The following BBX variants were observed in gnomAD, a reference collection of about 807,000 sequenced individuals.
BBX encodes BBX high mobility group box domain containing.
In BBX, 30 loss-of-function variants were observed where a neutral mutation model predicts 100.2. That is an observed-to-expected ratio of 0.30 (90% CI 0.22 to 0.41). The LOEUF is 0.41. Ranked by LOEUF, BBX falls within the 10% of genes least tolerant of loss-of-function variation. The pLI is 1.00. For synonymous variants in BBX, 376 were observed against 388.1 expected (o/e 0.97, Z 0.37); for missense variants, 1,023 against 1,129.8 (o/e 0.91, Z 1.35).
At chr3:107,701,799 T>A (rs1473172468) in intron 3 of BBX, among the ~76,000 whole-genome samples, 1 of 140,706 alleles carries the variant, frequency 7.1e-6, no homozygotes, top group Non-Finnish European at 1.5e-5. Context: ...TATCTCTGCC[T>A]CAGGTTTCTC....
At chr3:107,528,306 T>C (rs2047919656) in intron 2 of BBX, among the ~76,000 whole-genome samples, 1 of 152,194 alleles carries the variant, frequency 6.6e-6, no homozygotes, top group Non-Finnish European at 1.5e-5. Flanking sequence ...CATGTCTCTG[T>C]TAGGTTCTGA....
At chr3:107,559,272 G>T (rs1343030011) in intron 2 of BBX, among the ~76,000 whole-genome samples, 1 of 152,176 alleles carries the variant, frequency 6.6e-6, no homozygotes, top group Non-Finnish European at 1.5e-5. Flanking sequence ...AAAGAAACTG[G>T]ATCAGATAAG....
intron 2 of BBX, among the ~76,000 whole-genome samples, chr3:107,583,271 T>G (rs2052419268): frequency 6.6e-6 from 1 of 152,020 alleles, no homozygotes; most frequent in Non-Finnish European, 1.5e-5. Flanking sequence ...ATTAAACTCT[T>G]TAACTTTCAA....
chr3:107,562,212 A>G (rs1192701777), intron 2 of BBX, among the ~76,000 whole-genome samples: 3 of 152,192 alleles, frequency 2.0e-5, no homozygotes, highest in Non-Finnish European at 2.9e-5. Flanking sequence ...ATAAACACAC[A>G]TGGGATCCCT....
At chr3:107,798,818 A>G (rs2070045757) in intron 16 of BBX, 98 bp downstream of exon 16, 1 of 1,181,884 alleles carries the variant, frequency 8.5e-7, no homozygotes, top group South Asian at 1.5e-5. Flanking sequence ...GAAATACACT[A>G]ACAATAGCCA....
intron 2 of BBX, among the ~76,000 whole-genome samples, chr3:107,589,222 G>T (rs1389668118): frequency 6.6e-6 from 1 of 152,168 alleles, no homozygotes; most frequent in Non-Finnish European, 1.5e-5. Context: ...TAGTGAGTAA[G>T]TATCTTTTGA....
At chr3:107,607,331 T>C (rs2054525287) in intron 2 of BBX, among the ~76,000 whole-genome samples, 2 of 152,210 alleles carry the variant, frequency 1.3e-5, no homozygotes, top group Admixed American at 1.3e-4. Context: ...TCCACCCGCC[T>C]CGGCCTCCCA....
rs1211528164 is a variant in BBX, at chr3:107,793,387, TTTAG to T, written c.2353+2090_2353+2093del. The stretch of plus-strand genomic sequence containing the variant: ...TGCACTGAAAAATGCATGTCCATTG[TTTAG>T]TGTAGAGTACAAACTCATTTTATGT... On this transcript the variant is annotated intron_variant, in intron 15 of 17. Coordinates refer to ENST00000325805, the MANE Select transcript of BBX (RefSeq NM_001142568.3). Among the ~76,000 whole-genome samples the T allele has an allele frequency of 3.9e-5, 6 of 152,286 alleles. No homozygotes were observed. In the South Asian group the frequency reaches 1.0e-3, roughly 26 times the overall value.
intron 2 of BBX, among the ~76,000 whole-genome samples, chr3:107,638,165 C>A (rs1034726347): frequency 1.3e-5 from 2 of 151,722 alleles, no homozygotes; most frequent in Admixed American, 6.6e-5. Context: ...AATCCTTCCA[C>A]CTCAGCCTCC....
chr3:107,703,418 C>T (rs1034574145), intron 3 of BBX, among the ~76,000 whole-genome samples: 2 of 152,096 alleles, frequency 1.3e-5, no homozygotes, highest in African/African-American at 4.8e-5. Context: ...AACAGCATTC[C>T]ATTTGAGAAC....
intron 3 of BBX, among the ~76,000 whole-genome samples, chr3:107,698,311 A>G (rs1235471525): frequency 6.6e-6 from 1 of 151,422 alleles, no homozygotes; most frequent in Middle Eastern, 3.2e-3. Flanking sequence ...ATGAAATTTA[A>G]TATATATATA....
intron 2 of BBX, among the ~76,000 whole-genome samples, chr3:107,626,096 C>A (rs935879010): frequency 1.1e-4 from 17 of 152,226 alleles, no homozygotes; most frequent in African/African-American, 4.1e-4. Context: ...CCAAATTATA[C>A]AATCGATAAT....
intron 13 of BBX, 25 bp from the exon 14 acceptor site, chr3:107,789,762 A>G (rs2068799461): frequency 7.3e-7 from 1 of 1,361,664 alleles, no homozygotes; most frequent in East Asian, 2.5e-5. Context: ...AATTTAAAAT[A>G]TATTTATATT....
intron 3 of BBX, among the ~76,000 whole-genome samples, chr3:107,674,068 A>G (rs1485249406): frequency 1.3e-5 from 2 of 152,216 alleles, no homozygotes; most frequent in African/African-American, 4.8e-5. Flanking sequence ...GACGCAAACC[A>G]TTAATAACAC....
chr3:107,608,755 G>C (rs1446977205), intron 2 of BBX, among the ~76,000 whole-genome samples: 1 of 152,110 alleles, frequency 6.6e-6, no homozygotes, highest in African/African-American at 2.4e-5. Context: ...ATGTTAAATA[G>C]TTTTCATTGT....
intron 2 of BBX, among the ~76,000 whole-genome samples, chr3:107,578,405 G>C (rs1417478672): frequency 7.2e-6 from 1 of 139,360 alleles, no homozygotes; most frequent in African/African-American, 2.5e-5. Flanking sequence ...TGAGGACGCA[G>C]ACTTGACTGA....
At chr3:107,597,675 T>G (rs755643406) in intron 2 of BBX, among the ~76,000 whole-genome samples, 23 of 152,218 alleles carry the variant, frequency 1.5e-4, no homozygotes, top group Non-Finnish European at 7.3e-5. Context: ...TTTTGATGAT[T>G]TAATGATTTA....
At chr3:107,727,160 CT>C (rs1039829965) in intron 5 of BBX, among the ~76,000 whole-genome samples, 1 of 151,958 alleles carries the variant, frequency 6.6e-6, no homozygotes, top group African/African-American at 2.4e-5. Flanking sequence ...GTTTGAAAGT[CT>C]TTTGACACTT....
chr3:107,747,874 C>G, intron 8 of BBX, 91 bp from the exon 9 acceptor site: 2 of 1,004,220 alleles, frequency 2.0e-6, no homozygotes, highest in Non-Finnish European at 3.0e-6. Context: ...AAATCTTTAT[C>G]AGTGTCTACA....
Sources: gnomAD v4.1 joint callset for allele counts (sites outside exome capture counted in the v4.1 genomes callset) on GRCh38, gnomAD v4.1.1 for gene constraint, MANE v1.5 for transcripts, NCBI Gene and HGNC (gene_info 2026-07-23, HGNC 2026-07-21) for gene names.